The following KIF6 variants were observed in gnomAD, a reference collection of about 807,000 sequenced individuals.
KIF6 encodes kinesin-like protein KIF6.
KIF6 carries 106 observed loss-of-function variants against 112.7 expected under a neutral mutation model. The ratio of observed to expected loss-of-function variants is 0.94; its 90% confidence interval spans 0.80 to 1.11. The LOEUF (loss-of-function observed/expected upper bound fraction) is 1.11. Among genes scored for constraint, KIF6 ranks in the 50% least tolerant of loss-of-function variants. The probability of loss-of-function intolerance (pLI) is 0.00; values close to 1 mark genes in which losing one functional copy is unlikely to be tolerated. For missense variants in KIF6, 929 were observed against 964.0 expected (o/e 0.96, Z 0.48); for synonymous variants, 339 against 339.9 (o/e 1.00, Z 0.03).
chr6:39,585,158 T>TCC (rs986647634), intron 8 of KIF6, among the ~76,000 whole-genome samples, 174 bp from the exon 9 acceptor site: 93 of 152,314 alleles, frequency 6.1e-4, no homozygotes, highest in Middle Eastern at 3.4e-3. Flanking sequence ...AGAACAACAG[T>TCC]CCCCAACCTT....
At chr6:39,525,353 C>CAAGAGCTA in intron 13 of KIF6, among the ~76,000 whole-genome samples, 3 of 152,098 alleles carry the variant, frequency 2.0e-5, no homozygotes, top group African/African-American at 7.2e-5. Flanking sequence ...TGTACTTGGG[C>CAAGAGCTA]CCCAGAAGTG....
intron 10 of KIF6, among the ~76,000 whole-genome samples, chr6:39,562,389 C>T (rs1239225539): frequency 6.6e-6 from 1 of 152,162 alleles, no homozygotes; most frequent in African/African-American, 2.4e-5. Context: ...TACTGGATAT[C>T]CCAGAAAATA....
intron 3 of KIF6, among the ~76,000 whole-genome samples, chr6:39,689,148 G>T (rs995625076): frequency 2.6e-5 from 4 of 152,020 alleles, no homozygotes; most frequent in Non-Finnish European, 5.9e-5. Context: ...GGAAAGAAAA[G>T]AAAAGAGAAA....
chr6:39,607,877 TAGTC>T (rs923840523), intron 6 of KIF6, among the ~76,000 whole-genome samples: 1 of 152,222 alleles, frequency 6.6e-6, no homozygotes, highest in African/African-American at 2.4e-5. Context: ...GAGGATGTGT[TAGTC>T]AGTATCCCTT....
intron 3 of KIF6, chr6:39,691,277 G>T (rs1235202847): frequency 6.6e-6 from 1 of 152,218 alleles, no homozygotes; most frequent in Non-Finnish European, 1.5e-5. Context: ...ACACGCATTT[G>T]AGGTAGCAGA....
intron 7 of KIF6, among the ~76,000 whole-genome samples, chr6:39,586,908 G>A (rs750474496): frequency 6.6e-6 from 1 of 152,154 alleles, no homozygotes; most frequent in Non-Finnish European, 1.5e-5. Flanking sequence ...CTCCTCATCT[G>A]TAAAATAGGA....
intron 15 of KIF6, among the ~76,000 whole-genome samples, chr6:39,413,500 C>T (rs1297765988): frequency 2.0e-5 from 3 of 152,150 alleles, no homozygotes; most frequent in African/African-American, 7.2e-5. Flanking sequence ...TTTTATTCCC[C>T]TGGCTATAGG....
intron 3 of KIF6, among the ~76,000 whole-genome samples, chr6:39,688,841 A>G (rs1237939471): frequency 6.6e-6 from 1 of 152,218 alleles, no homozygotes; most frequent in Non-Finnish European, 1.5e-5. Flanking sequence ...ACTGTAGAAA[A>G]TTCTTAGAAA....
chr6:39,357,796 C>T (rs868681592), intron 18 of KIF6, among the ~76,000 whole-genome samples: 3 of 152,102 alleles, frequency 2.0e-5, no homozygotes, highest in African/African-American at 7.2e-5. Flanking sequence ...AGTTAGTGTA[C>T]ACAAGGTGTA....
At chr6:39,426,788 GA>G (rs1364295120) in intron 14 of KIF6, among the ~76,000 whole-genome samples, 11 of 151,914 alleles carry the variant, frequency 7.2e-5, no homozygotes, top group Non-Finnish European at 2.9e-5. Context: ...GGGGATGGGG[GA>G]ACCACTCACT....
intron 13 of KIF6, among the ~76,000 whole-genome samples, chr6:39,529,563 G>A (rs753983357): frequency 3.3e-5 from 5 of 152,222 alleles, no homozygotes; most frequent in Non-Finnish European, 7.3e-5. Context: ...AAGGTGGGCA[G>A]ATCACAAGGT....
At chr6:39,662,767 G>T (rs1285601222) in intron 3 of KIF6, among the ~76,000 whole-genome samples, 2 of 152,136 alleles carry the variant, frequency 1.3e-5, no homozygotes, top group Non-Finnish European at 2.9e-5. Context: ...ACAAAAGCAA[G>T]GTGTTTCTCT....
At chr6:39,396,507 C>T (rs539043462) in intron 15 of KIF6, among the ~76,000 whole-genome samples, 6 of 152,194 alleles carry the variant, frequency 3.9e-5, no homozygotes, top group Admixed American at 1.3e-4. Context: ...AGTGAAGGCC[C>T]GTCAGAGGAG....
intron 3 of KIF6, among the ~76,000 whole-genome samples, chr6:39,706,782 T>C (rs1229764631): frequency 2.0e-5 from 3 of 152,156 alleles, no homozygotes; most frequent in African/African-American, 7.2e-5. Flanking sequence ...TCCTGTAAAC[T>C]TGGAAAAAAA....
intron 13 of KIF6, among the ~76,000 whole-genome samples, chr6:39,497,419 C>T (rs1477166250): frequency 6.6e-6 from 1 of 152,226 alleles, no homozygotes; most frequent in Non-Finnish European, 1.5e-5. Context: ...GCTTCTGATG[C>T]ACCCCTCGCT....
intron 12 of KIF6, among the ~76,000 whole-genome samples, chr6:39,542,443 T>G (rs1377148959): frequency 6.6e-6 from 1 of 152,202 alleles, no homozygotes; most frequent in African/African-American, 2.4e-5. Context: ...TCTGATGTCG[T>G]TCGCAGTCAT....
intron 13 of KIF6, among the ~76,000 whole-genome samples, chr6:39,435,269 A>C (rs1562214358): frequency 6.6e-6 from 1 of 152,236 alleles, no homozygotes; most frequent in Non-Finnish European, 1.5e-5. Context: ...AATATCACAG[A>C]AAAACAGAAC....
Position 39,540,111 on chromosome 6 carries a change from G to C in KIF6, c.1537C>G (p.Leu513Val), listed in dbSNP as rs374476675. Residue 513 changes from leucine (L) to valine (V), a missense_variant, in exon 13 of 23, where the codon CTA (leucine) becomes GTA (valine). Physicochemically the swap from Leu to Val is conservative, Grantham distance 32 (BLOSUM62 1). Coordinates refer to ENST00000287152, the MANE Select transcript of KIF6 (RefSeq NM_145027.6). ...FRQSQSPPFR[L>V]GNPEEGQRMR... ...CTTTGACCTTCTTCTGGGTTTCCTAGGCGGAAGGGTGGGCTCTGGGACTGT... is the reference window on the plus strand; with the variant it reads ...CTTTGACCTTCTTCTGGGTTTCCTACGCGGAAGGGTGGGCTCTGGGACTGT... 1.3e-5 allele frequency: 21 copies of C among 1,614,012 alleles called. No homozygotes were observed. In the African/African-American group the frequency reaches 2.7e-4, roughly 21 times the overall value.
chr6:39,536,065 T>A (rs1312783107), intron 13 of KIF6, among the ~76,000 whole-genome samples: 3 of 151,604 alleles, frequency 2.0e-5, no homozygotes, highest in Non-Finnish European at 4.4e-5. Context: ...TTCAAAGCAG[T>A]GTGTAGAGGG....
Sources: gnomAD v4.1 joint callset for allele counts (sites outside exome capture counted in the v4.1 genomes callset) on GRCh38, gnomAD v4.1.1 for gene constraint, MANE v1.5 for transcripts, NCBI Gene and HGNC (gene_info 2026-07-23, HGNC 2026-07-21) for gene names.